TEX14: variants seen among roughly 807,000 people sequenced by gnomAD.
TEX14 encodes inactive serine/threonine-protein kinase TEX14.
In TEX14, 168 loss-of-function variants were observed where a neutral mutation model predicts 178.6. That is an observed-to-expected ratio of 0.94 (90% CI 0.83 to 1.07). TEX14 has a LOEUF of 1.07. TEX14 is among the 50% of genes least tolerant of loss of function. The pLI is 0.00. For missense variants in TEX14, 1,730 were observed against 1,753.6 expected, an observed-to-expected ratio of 0.99 and a Z score of 0.24; for synonymous variants, 626 against 634.1, an observed-to-expected ratio of 0.99 and a Z score of 0.19.
At chr17:58,581,461 G>T in intron 19 of TEX14, 1 of 797,540 alleles carries the variant, frequency 1.3e-6, no homozygotes, top group Non-Finnish European at 2.0e-6. Flanking sequence ...ATGAATGCAT[G>T]GGTTCATATC....
At chr17:58,568,298 C>G (rs2044445816) in intron 26 of TEX14, among the ~76,000 whole-genome samples, 1 of 151,594 alleles carries the variant, frequency 6.6e-6, no homozygotes, top group African/African-American at 2.4e-5. Flanking sequence ...CTGACTGGCT[C>G]CACCCAAGTT....
intron 2 of TEX14, among the ~76,000 whole-genome samples, chr17:58,644,028 C>A (rs1008179851): frequency 6.6e-6 from 1 of 151,168 alleles, no homozygotes; most frequent in African/African-American, 2.4e-5. Flanking sequence ...TGTTACATGA[C>A]GGAGGTAGGT....
chr17:58,632,516 C>A (rs1023676713), intron 2 of TEX14, among the ~76,000 whole-genome samples: 3 of 152,148 alleles, frequency 2.0e-5, no homozygotes, highest in African/African-American at 4.8e-5. Flanking sequence ...ACAAGCAGGA[C>A]AACATATTCC....
chr17:58,579,459 C>T (rs1466219902), intron 20 of TEX14, among the ~76,000 whole-genome samples: 1 of 152,172 alleles, frequency 6.6e-6, no homozygotes, highest in African/African-American at 2.4e-5. Context: ...ATAAATAATA[C>T]AACACGTGGA....
intron 26 of TEX14, chr17:58,568,057 C>T (rs2044439803): frequency 6.6e-6 from 1 of 152,238 alleles, no homozygotes; most frequent in African/African-American, 2.4e-5. Context: ...GGGTGACCTC[C>T]ACTCTCAGCA....
At chr17:58,661,321 T>C (rs1234479784) in intron 1 of TEX14, 10 of 868,796 alleles carry the variant, frequency 1.2e-5, no homozygotes, top group Admixed American at 3.4e-5. Flanking sequence ...GGTTGACTTG[T>C]TTCATGGTGA....
intron 14 of TEX14, among the ~76,000 whole-genome samples, chr17:58,596,891 A>G (rs2045298236): frequency 6.6e-6 from 1 of 152,066 alleles, no homozygotes; most frequent in African/African-American, 2.4e-5. Flanking sequence ...GCAGTGAGCC[A>G]TGACAGTGCC....
chr17:58,576,731 T>C (rs1402351867), intron 21 of TEX14, among the ~76,000 whole-genome samples: 4 of 152,230 alleles, frequency 2.6e-5, no homozygotes, highest in Non-Finnish European at 5.9e-5. Flanking sequence ...TTTATTTTTA[T>C]AATTTTGTCA....
At chr17:58,633,286 G>A (rs1420300496) in intron 2 of TEX14, among the ~76,000 whole-genome samples, 1 of 152,134 alleles carries the variant, frequency 6.6e-6, no homozygotes, top group Admixed American at 6.6e-5. Flanking sequence ...TCTTCTATGT[G>A]ATCATTTGAT....
chr17:58,655,940 T>G (rs755695295), intron 1 of TEX14, among the ~76,000 whole-genome samples: 8 of 152,214 alleles, frequency 5.3e-5, no homozygotes, highest in Non-Finnish European at 7.3e-5. Flanking sequence ...CTGTAAACTC[T>G]TTGAGGGTCC....
chr17:58,671,830 A>C (rs1426774197), intron 1 of TEX14, among the ~76,000 whole-genome samples: 1 of 152,114 alleles, frequency 6.6e-6, no homozygotes, highest in African/African-American at 2.4e-5. Context: ...CTGCCAGAGA[A>C]GCTCATCCCT....
intron 2 of TEX14, chr17:58,631,544 T>A (rs1013269384): frequency 6.6e-6 from 1 of 150,858 alleles, no homozygotes; most frequent in Admixed American, 6.6e-5. Flanking sequence ...ACACAACACA[T>A]CTCTCAAAAC....
rs143607171 is a variant in TEX14 at position 58,674,547 on chromosome 17, G to A, written c.-2+17392C>T. ...TAGCTGAGCATGGTGGCTCAGGCCT[G>A]TAATCCCAGCTACTCGAGACGGAGA... On this transcript the variant is annotated intron_variant, in intron 1 of 31. Coordinates refer to ENST00000349033, the MANE Select transcript of TEX14 (RefSeq NM_031272.5). Among the ~76,000 whole-genome samples the A allele has an allele frequency of 3.6e-4, 53 of 148,866 alleles. 1 individual carries two copies. The South Asian group carries it at 0.01, about 29-fold the overall frequency.
intron 2 of TEX14, among the ~76,000 whole-genome samples, chr17:58,644,596 T>G (rs2046651703): frequency 6.9e-6 from 1 of 145,306 alleles, no homozygotes; most frequent in Non-Finnish European, 1.5e-5. Flanking sequence ...CACCTCGGCC[T>G]CTCAAAGTGC....
At chr17:58,644,790 A>G (rs1299355670) in intron 2 of TEX14, among the ~76,000 whole-genome samples, 1 of 149,118 alleles carries the variant, frequency 6.7e-6, no homozygotes, top group African/African-American at 2.5e-5. Context: ...TTATGGGATT[A>G]TAGGCGCCCG....
At chr17:58,634,611 T>C (rs896212857) in intron 2 of TEX14, among the ~76,000 whole-genome samples, 1 of 152,098 alleles carries the variant, frequency 6.6e-6, no homozygotes, top group Non-Finnish European at 1.5e-5. Flanking sequence ...CAGTGCCTTG[T>C]TCACTTATCT....
intron 1 of TEX14, chr17:58,661,285 C>CT: frequency 1.2e-6 from 1 of 808,642 alleles, no homozygotes; most frequent in Non-Finnish European, 2.3e-6. Flanking sequence ...CGCGAGCCTG[C>CT]TGCAAATGAT....
rs1567990006 is a variant in TEX14 at position 58,564,980 on chromosome 17, TGAAA to T, written c.3965-16_3965-13del. 6.6e-7 allele frequency: 1 copy of T among 1,521,880 alleles called. No individual in the cohort carries two copies. The highest frequency in any genetic ancestry group is 2.0e-5 in the Admixed American group (1 of 51,100). 94.3% of individuals were successfully genotyped at this position (1,521,880 alleles called of 1,614,324 possible). ...TAAGTGCCTTTGATCTAAAAACAGT[TGAAA>T]GAATTAACTTTATTAGAACGAAAAA... On this transcript the variant is annotated splice_polypyrimidine_tract_variant and intron_variant, in intron 27 of 31. Coordinates refer to ENST00000349033, the MANE Select transcript of TEX14 (RefSeq NM_031272.5).
chr17:58,685,743 G>A (rs2047579472), intron 1 of TEX14, among the ~76,000 whole-genome samples: 1 of 151,760 alleles, frequency 6.6e-6, no homozygotes, highest in East Asian at 1.9e-4. Flanking sequence ...TGTAATCCCA[G>A]CAGTTTGGGA....
Sources: gnomAD v4.1 joint callset for allele counts (sites outside exome capture counted in the v4.1 genomes callset) on GRCh38, gnomAD v4.1.1 for gene constraint, MANE v1.5 for transcripts, NCBI Gene and HGNC (gene_info 2026-07-23, HGNC 2026-07-21) for gene names.